The following TRPM3 variants were observed in gnomAD, a reference collection of about 807,000 sequenced individuals.
The protein encoded by TRPM3 is long transient receptor potential channel 3.
In TRPM3, 77 loss-of-function variants were observed where a neutral mutation model predicts 181.2. The ratio of observed to expected loss-of-function variants is 0.42; its 90% CI spans 0.35 to 0.51. TRPM3 has a LOEUF of 0.51. TRPM3 is among the 20% of genes least tolerant of loss of function. The pLI, the probability that TRPM3 is intolerant of heterozygous loss-of-function variation, is 0.01. For synonymous variants in TRPM3, 745 were observed against 796.4 expected, an observed-to-expected ratio of 0.94 and a Z score of 1.09; for missense variants, 1,759 against 2,196.7, an observed-to-expected ratio of 0.80 and a Z score of 3.98.
intron 25 of TRPM3, among the ~76,000 whole-genome samples, chr9:70,540,075 C>T (rs757583112): frequency 5.5e-4 from 83 of 152,102 alleles, no homozygotes; most frequent in Non-Finnish European, 1.1e-3. Context: ...TGGGCTCAAA[C>T]AATCCTCCCG....
At chr9:70,543,016 A>G (rs1171981757) in intron 25 of TRPM3, among the ~76,000 whole-genome samples, 1 of 152,222 alleles carries the variant, frequency 6.6e-6, no homozygotes, top group Non-Finnish European at 1.5e-5. Flanking sequence ...AACTTAACTC[A>G]GTTAATGGAG....
chr9:71,243,693 A>C (rs1176618349), intron 1 of TRPM3, among the ~76,000 whole-genome samples: 1 of 152,250 alleles, frequency 6.6e-6, no homozygotes, highest in African/African-American at 2.4e-5. Flanking sequence ...ATCACTTACT[A>C]AACAGCAATG....
intron 1 of TRPM3, among the ~76,000 whole-genome samples, chr9:71,212,256 A>G (rs1199902714): frequency 1.3e-5 from 2 of 152,150 alleles, no homozygotes; most frequent in African/African-American, 4.8e-5. Context: ...AGCTGGGACT[A>G]TAAGTGTGTA....
At chr9:71,236,486 G>C (rs1348899194) in intron 1 of TRPM3, among the ~76,000 whole-genome samples, 3 of 152,094 alleles carry the variant, frequency 2.0e-5, no homozygotes, top group African/African-American at 7.2e-5. Flanking sequence ...GCAATGGTAA[G>C]TATATAGTCT....
intron 1 of TRPM3, among the ~76,000 whole-genome samples, chr9:70,874,012 A>G (rs2095833406): frequency 6.6e-6 from 1 of 151,922 alleles, no homozygotes; most frequent in Non-Finnish European, 1.5e-5. Context: ...TCTAAACTTA[A>G]ATCATATACA....
At chr9:70,946,315 C>T (rs2096931880) in intron 1 of TRPM3, among the ~76,000 whole-genome samples, 1 of 152,046 alleles carries the variant, frequency 6.6e-6, no homozygotes, top group Non-Finnish European at 1.5e-5. Flanking sequence ...GCATGTTATA[C>T]TGGTTAAGAA....
chr9:70,647,018 A>T (rs1333329173), intron 9 of TRPM3, among the ~76,000 whole-genome samples: 2 of 152,186 alleles, frequency 1.3e-5, no homozygotes, highest in Non-Finnish European at 2.9e-5. Context: ...TGAACAGAGC[A>T]ATAGCAAGTT....
chr9:71,145,982 A>G (rs2075381861), intron 1 of TRPM3, among the ~76,000 whole-genome samples: 2 of 152,306 alleles, frequency 1.3e-5, no homozygotes, highest in East Asian at 1.9e-4. Flanking sequence ...TTTATGAAGA[A>G]GTCATCTGAA....
At chr9:71,386,451 A>G (rs2092925560) in intron 1 of TRPM3, among the ~76,000 whole-genome samples, 1 of 142,842 alleles carries the variant, frequency 7.0e-6, no homozygotes, top group Non-Finnish European at 1.5e-5. Flanking sequence ...CTGTCTTTTG[A>G]AAAAAAAAAA....
intron 1 of TRPM3, among the ~76,000 whole-genome samples, chr9:71,259,667 T>C (rs1050243224): frequency 2.6e-5 from 4 of 152,200 alleles, no homozygotes; most frequent in African/African-American, 9.6e-5. Context: ...TTTTTTTGCA[T>C]GTTTGTTGGC....
chr9:71,060,040 T>A (rs1402702293), intron 1 of TRPM3, among the ~76,000 whole-genome samples: 1 of 152,046 alleles, frequency 6.6e-6, no homozygotes, highest in African/African-American at 2.4e-5. Context: ...CATTTGAAGG[T>A]CTGAAATGTA....
chr9:71,335,602 GA>G (rs1455427690), intron 1 of TRPM3, among the ~76,000 whole-genome samples: 5 of 151,928 alleles, frequency 3.3e-5, no homozygotes, highest in African/African-American at 1.2e-4. Flanking sequence ...AATAATATAA[GA>G]AATCAAAACT....
intron 5 of TRPM3, among the ~76,000 whole-genome samples, chr9:70,837,778 A>C (rs1330570565): frequency 6.6e-6 from 1 of 152,220 alleles, no homozygotes. Context: ...GGCTCCGGTC[A>C]TGCATCGAGT....
In TRPM3 at chr9:71,296,988, C is replaced by CTTTT. The variant is rs398010878; in HGVS notation, c.183+149661_183+149664dup. ...AACAAACATGGGATGTGAATCTTTTCTTTTTTTTTTTTTTTTTTTTTGAGA... is the reference window on the plus strand; with the variant it reads ...AACAAACATGGGATGTGAATCTTTTCTTTTTTTTTTTTTTTTTTTTTTTTTGAGA... On this transcript the variant is annotated intron_variant, in intron 1 of 24. Coordinates refer to the TRPM3 transcript ENST00000357533. 1.6e-3 allele frequency among the ~76,000 whole-genome samples: 153 copies of CTTTT among 97,820 alleles called. 2 individuals carry two copies. Among genetic ancestry groups the CTTTT allele is most frequent in the Middle Eastern group, 5.9e-3 (1 of 170 alleles). 64.2% of individuals were successfully genotyped at this position (97,820 alleles called of 152,430 possible). A position where few individuals can be genotyped will look rare whatever the true frequency, so the allele number is the denominator to read the frequency against.
intron 1 of TRPM3, among the ~76,000 whole-genome samples, chr9:71,267,608 C>T (rs11142764): frequency 0.27 from 40,429 of 152,130 alleles, 5,986 homozygotes; most frequent in Middle Eastern, 0.47. Flanking sequence ...CCTAAAACTC[C>T]ACAGCCCACC....
intron 1 of TRPM3, among the ~76,000 whole-genome samples, chr9:71,180,842 T>C (rs1456663837): frequency 6.6e-6 from 1 of 152,124 alleles, no homozygotes; most frequent in Non-Finnish European, 1.5e-5. Context: ...AGCGAATAGT[T>C]ATTGAAGAGA....
chr9:70,864,264 G>A (rs1264065995), intron 2 of TRPM3, among the ~76,000 whole-genome samples, 168 bp downstream of exon 2: 2 of 151,894 alleles, frequency 1.3e-5, no homozygotes, highest in Non-Finnish European at 1.5e-5. Context: ...TTGTAGAAAT[G>A]ACATATTATA....
intron 1 of TRPM3, among the ~76,000 whole-genome samples, chr9:71,283,442 A>G (rs964313581): frequency 4.6e-5 from 7 of 150,744 alleles, no homozygotes; most frequent in East Asian, 1.9e-4. Context: ...GACTACAGGC[A>G]CCCACCACCA....
chr9:70,683,381 A>G (rs1390165599), intron 8 of TRPM3, among the ~76,000 whole-genome samples: 1 of 143,986 alleles, frequency 6.9e-6, no homozygotes, highest in Non-Finnish European at 1.5e-5. Context: ...CACCATGCCC[A>G]GCTTCCTTCC....
Sources: allele counts gnomAD v4.1 joint callset (sites outside exome capture counted in the v4.1 genomes callset), GRCh38; gene constraint gnomAD v4.1.1; transcripts MANE v1.5; gene names NCBI Gene and HGNC (gene_info 2026-07-23, HGNC 2026-07-21).